Variants in TMEM114 observed in about 807,000 individuals in gnomAD.
The protein encoded by TMEM114 is claudin-26.
TMEM114 carries 6 observed loss-of-function variants against 6.2 expected under a neutral mutation model. The ratio of observed to expected loss-of-function variants is 0.97; its 90% CI spans 0.53 to 1.91. The LOEUF (loss-of-function observed/expected upper bound fraction) is 1.91, where lower values mean the gene tolerates loss of function less well. TMEM114 is among the 40% of genes most tolerant of loss of function. TMEM114 has a pLI of 0.01. For synonymous variants in TMEM114, 104 were observed against 73.0 expected (o/e 1.42, Z -2.16); for missense variants, 218 against 158.3 (o/e 1.38, Z -2.02).
downstream of TMEM114, among the ~76,000 whole-genome samples, chr16:8,536,618 T>G: frequency 6.6e-6 from 1 of 152,224 alleles, no homozygotes; most frequent in East Asian, 1.9e-4. Context: ...CTTGCACCCT[T>G]AAGTTCAGAT....
At chr16:8,544,957 C>A (rs909105359) in intron 2 of TMEM114, among the ~76,000 whole-genome samples, 1 of 151,958 alleles carries the variant, frequency 6.6e-6, no homozygotes, top group South Asian at 2.1e-4. Flanking sequence ...TCCCCCCAAC[C>A]CCGTAATATC....
intron 2 of TMEM114, among the ~76,000 whole-genome samples, chr16:8,562,184 G>GTGAGTGAGTGAA (rs1157179051): frequency 6.7e-6 from 1 of 150,096 alleles, no homozygotes; most frequent in Non-Finnish European, 1.5e-5. Flanking sequence ...GAATGAGTCA[G>GTGAGTGAGTGAA]TGAGTGAGTG....
intron 2 of TMEM114, among the ~76,000 whole-genome samples, chr16:8,575,157 C>G (rs1490122932): frequency 1.3e-5 from 2 of 152,080 alleles, no homozygotes; most frequent in South Asian, 2.1e-4. Context: ...AGTCAAAAGA[C>G]CACTGAAAAA....
chr16:8,538,709 T>C (rs1430694849), intron 2 of TMEM114, among the ~76,000 whole-genome samples: 1 of 152,098 alleles, frequency 6.6e-6, no homozygotes, highest in Non-Finnish European at 1.5e-5. Context: ...GGTTTCACCC[T>C]GTTAGCCAGG....
At chr16:8,569,386 T>G, downstream of TMEM114, 1 of 963,582 alleles carries the variant, frequency 1.0e-6, no homozygotes. Flanking sequence ...GCCCAGGAGG[T>G]AGGGCACCCT....
intron 2 of TMEM114, among the ~76,000 whole-genome samples, chr16:8,561,374 C>G (rs62020600): frequency 0.09 from 13,690 of 152,332 alleles, 762 homozygotes; most frequent in Middle Eastern, 0.2. Context: ...TTCTCCCCAT[C>G]TGCTTTACAG....
At chr16:8,544,287 G>C (rs117783082) in intron 2 of TMEM114, among the ~76,000 whole-genome samples, 3,049 of 152,302 alleles carry the variant, frequency 0.02, 130 homozygotes, top group East Asian at 0.15. Context: ...ATTTGTCTAA[G>C]TGGTAAACGA....
At chr16:8,564,489 ATGAGTGAATGAG>A (rs539450510), downstream of TMEM114, among the ~76,000 whole-genome samples, 1 of 96,968 alleles carries the variant, frequency 1.0e-5, no homozygotes, top group African/African-American at 4.8e-5. Flanking sequence ...GAGGGAATGA[ATGAGTGAATGAG>A]TGAGTAAATG....
chr16:8,543,359 T>C (rs1339520169), intron 2 of TMEM114, among the ~76,000 whole-genome samples: 1 of 152,170 alleles, frequency 6.6e-6, no homozygotes, highest in African/African-American at 2.4e-5. Flanking sequence ...CTGGGGATAA[T>C]TCATGGTGTG....
chr16:8,576,805 T>A (rs1157593708), intron 2 of TMEM114, among the ~76,000 whole-genome samples: 1 of 152,038 alleles, frequency 6.6e-6, no homozygotes, highest in Non-Finnish European at 1.5e-5. Flanking sequence ...AGGTGCTTTA[T>A]TTTGGGATGG....
chr16:8,564,091 G>T (rs980643933), intron 2 of TMEM114, among the ~76,000 whole-genome samples: 3 of 151,200 alleles, frequency 2.0e-5, no homozygotes, highest in African/African-American at 7.4e-5. Flanking sequence ...ATGAGTGAGT[G>T]AGTGAATGAG....
rs141867254 is a variant in TMEM114 at position 8,564,231 on chromosome 16, GAGTT to G, written n.212+24978_212+24981del. ...TGAATGAGTGAGTTAGTGAATGAGT[GAGTT>G]AGTGAATGAGTGAGTGAGTGAATGA... On this transcript the variant is annotated intron_variant and non_coding_transcript_variant, in intron 2 of 2. Coordinates refer to the TMEM114 transcript ENST00000623677. 3.2e-4 allele frequency among the ~76,000 whole-genome samples: 11 copies of G among 34,350 alleles called. No individual in the cohort carries two copies. In the East Asian group the frequency reaches 8.6e-3, roughly 27 times the overall value. 22.5% of individuals were successfully genotyped at this position (34,350 alleles called of 152,430 possible).
intron 2 of TMEM114, among the ~76,000 whole-genome samples, chr16:8,582,125 C>T (rs1032058037): frequency 6.6e-6 from 1 of 152,190 alleles, no homozygotes; most frequent in Non-Finnish European, 1.5e-5. Context: ...TTTCCAACCT[C>T]GCCTCCTCAG....
chr16:8,549,878 G>C lies in TMEM114; in HGVS notation n.213-12052C>G, dbSNP rs139197859. 4.7e-3 allele frequency among the ~76,000 whole-genome samples: 715 copies of C among 152,268 alleles called. 4 individuals are homozygous for C. The highest frequency in any genetic ancestry group is 0.016 in the African/African-American group (674 of 41,548). ...GGAGAATTGGCTCACATGATCACAA[G>C]GTGAAGTCCCCCCACAGTCCATCTG... On this transcript the variant is annotated intron_variant and non_coding_transcript_variant, in intron 2 of 2. Transcript: ENST00000623677.
intron 2 of TMEM114, among the ~76,000 whole-genome samples, chr16:8,561,912 ATGAG>A (rs1375762376): frequency 1.2e-4 from 17 of 136,370 alleles, no homozygotes; most frequent in East Asian, 4.9e-4. Context: ...GAGTGAATGA[ATGAG>A]TAAGTGAATG....
intron 2 of TMEM114, among the ~76,000 whole-genome samples, chr16:8,577,340 C>T (rs145078968): frequency 3.9e-5 from 6 of 152,306 alleles, no homozygotes; most frequent in Non-Finnish European, 5.9e-5. Context: ...CAAAAGCAAA[C>T]TTCCTGAACC....
intron 2 of TMEM114, among the ~76,000 whole-genome samples, chr16:8,538,340 A>T (rs1900421263): frequency 6.6e-6 from 1 of 151,862 alleles, no homozygotes; most frequent in South Asian, 2.1e-4. Context: ...GAAGCCAAAG[A>T]ATTGATGGTG....
the TMEM114 span, among the ~76,000 whole-genome samples, chr16:8,530,654 GA>G: frequency 6.6e-6 from 1 of 152,006 alleles, no homozygotes; most frequent in African/African-American, 2.4e-5. Context: ...CGGATGAAGA[GA>G]GGGAAGGGAA....
At chr16:8,587,798 G>A (rs908390166) in intron 2 of TMEM114, among the ~76,000 whole-genome samples, 15 of 152,230 alleles carry the variant, frequency 9.9e-5, no homozygotes, top group African/African-American at 2.2e-4. Context: ...AGCTAAGACC[G>A]TGCCACTGCA....
Sources: allele counts gnomAD v4.1 joint callset (sites outside exome capture counted in the v4.1 genomes callset), GRCh38; gene constraint gnomAD v4.1.1; transcripts MANE v1.5; gene names NCBI Gene and HGNC (gene_info 2026-07-23, HGNC 2026-07-21).